The following KLHDC1 variants were observed in gnomAD, a reference collection of about 807,000 sequenced individuals.
KLHDC1 encodes the protein kelch domain-containing protein 1.
In KLHDC1, 53 loss-of-function variants were observed where a neutral mutation model predicts 68.3. That is an observed-to-expected ratio of 0.78 (90% CI 0.62 to 0.98). KLHDC1 has a LOEUF of 0.98. KLHDC1 is among the 50% of genes least tolerant of loss of function. The probability of loss-of-function intolerance (pLI) is 0.00; values close to 1 mark genes in which losing one functional copy is unlikely to be tolerated. For synonymous variants in KLHDC1, 148 were observed against 159.0 expected, an observed-to-expected ratio of 0.93 and a Z score of 0.52; for missense variants, 470 against 492.3, an observed-to-expected ratio of 0.95 and a Z score of 0.43.
intron 6 of KLHDC1, among the ~76,000 whole-genome samples, chr14:49,726,251 G>A (rs1346666409): frequency 6.6e-6 from 1 of 152,120 alleles, no homozygotes; most frequent in African/African-American, 2.4e-5. Context: ...AACCGTAGAT[G>A]GCACTTGTAG....
chr14:49,726,939 G>A (rs556680920), intron 6 of KLHDC1, among the ~76,000 whole-genome samples: 112 of 152,184 alleles, frequency 7.4e-4, no homozygotes, highest in African/African-American at 2.4e-3. Context: ...CTCTCTCAAC[G>A]TCTATATATT....
rs924470398 is a variant in KLHDC1, at chr14:49,753,060, T to C, written c.*1288T>C. The C allele has an allele frequency of 3.9e-5, 6 of 152,164 alleles. No individual in the cohort carries two copies. The highest frequency in any genetic ancestry group is 1.4e-4 in the African/African-American group (6 of 41,462). The allele number at this position is 152,164 out of a possible 1,614,324, so 9.4% of individuals were successfully genotyped here. ...AAGCTTCTATGTATTGAAATATTTT[T>C]TTACGTTTTATTTATTGTACAAAGT... is the stretch of plus-strand genomic sequence containing the variant. On this transcript the variant is annotated 3_prime_UTR_variant, in exon 13 of 13. Coordinates refer to ENST00000359332, the MANE Select transcript of KLHDC1 (RefSeq NM_172193.3).
intron 4 of KLHDC1, among the ~76,000 whole-genome samples, chr14:49,719,390 A>G (rs564100187): frequency 3.1e-4 from 47 of 150,976 alleles, no homozygotes; most frequent in Non-Finnish European, 5.3e-4. Flanking sequence ...TTCTTTCAGC[A>G]CTTTACAGGT....
intron 1 of KLHDC1, among the ~76,000 whole-genome samples, chr14:49,694,751 G>A (rs1887683979): frequency 6.6e-6 from 1 of 152,182 alleles, no homozygotes; most frequent in South Asian, 2.1e-4. Flanking sequence ...CTACTCGGGA[G>A]GCTGAGGCAG....
At chr14:49,740,877 T>G (rs1211858350) in intron 11 of KLHDC1, among the ~76,000 whole-genome samples, 1 of 152,014 alleles carries the variant, frequency 6.6e-6, no homozygotes, top group African/African-American at 2.4e-5. Flanking sequence ...GGCAAATCAC[T>G]TGAGGCCAGG....
chr14:49,697,320 A>G (rs887271536), intron 1 of KLHDC1, among the ~76,000 whole-genome samples: 1 of 152,198 alleles, frequency 6.6e-6, no homozygotes, highest in Non-Finnish European at 1.5e-5. Flanking sequence ...GGTCAGTGGA[A>G]TAGTCTGAAC....
At chr14:49,749,542 G>A (rs1335817586) in intron 12 of KLHDC1, among the ~76,000 whole-genome samples, 2 of 151,864 alleles carry the variant, frequency 1.3e-5, no homozygotes, top group Non-Finnish European at 2.9e-5. Context: ...GCTGGGCATG[G>A]TGGCATGCGC....
At chr14:49,702,907 A>T (rs1887947756) in intron 1 of KLHDC1, among the ~76,000 whole-genome samples, 1 of 152,224 alleles carries the variant, frequency 6.6e-6, no homozygotes, top group Non-Finnish European at 1.5e-5. Flanking sequence ...CATAAAAGGC[A>T]GCAGTGTGGT....
chr14:49,731,842 G>A (rs1322862053), intron 8 of KLHDC1, among the ~76,000 whole-genome samples: 4 of 151,994 alleles, frequency 2.6e-5, no homozygotes, highest in Non-Finnish European at 5.9e-5. Context: ...ACTGTGCCTG[G>A]CATTGTTTTT....
chr14:49,743,465 A>G (rs1452469109), intron 11 of KLHDC1, among the ~76,000 whole-genome samples: 3 of 152,064 alleles, frequency 2.0e-5, no homozygotes, highest in Non-Finnish European at 2.9e-5. Flanking sequence ...TCGGTGAAGA[A>G]TGTATTTCTT....
Position 49,693,307 on chromosome 14 carries a change from G to C in KLHDC1, c.96+17G>C. On this transcript the variant is annotated intron_variant, in intron 1 of 12. Coordinates refer to ENST00000359332, the MANE Select transcript of KLHDC1 (RefSeq NM_172193.3). The stretch of plus-strand genomic sequence containing the variant: ...GGCTACGTGGTAAGGGGAAGAGGCG[G>C]GACGGGGTAGACTCGCGCCGGGAGA... 1 of 1,495,084 alleles carries C rather than the reference G, an allele frequency of 6.7e-7. No homozygotes were observed. 92.6% of individuals were successfully genotyped at this position (1,495,084 alleles called of 1,614,324 possible).
At chr14:49,739,498 A>C (rs896852006) in intron 10 of KLHDC1, among the ~76,000 whole-genome samples, 1 of 152,290 alleles carries the variant, frequency 6.6e-6, no homozygotes, top group Non-Finnish European at 1.5e-5. Context: ...GGTGTTCTGT[A>C]CTCAGAGTGA....
intron 10 of KLHDC1, among the ~76,000 whole-genome samples, chr14:49,738,225 G>T (rs2139763827): frequency 6.6e-6 from 1 of 152,032 alleles, no homozygotes; most frequent in Non-Finnish European, 1.5e-5. Flanking sequence ...TGAACTATCA[G>T]ACCACTTCCA....
rs1032447087 is a variant in KLHDC1, at chr14:49,725,852, T to C, written c.567+83T>C. The stretch of plus-strand genomic sequence containing the variant: ...GTGGATTTTGGGTTTTTTTTTGTTT[T>C]GTTTTGTGTTTTTGAGACAAAGTCT... On this transcript the variant is annotated intron_variant, in intron 6 of 12. Coordinates refer to ENST00000359332, the MANE Select transcript of KLHDC1 (RefSeq NM_172193.3). 14 of 718,738 alleles carry C rather than the reference T, an allele frequency of 1.9e-5. No individual in the cohort carries two copies. In the East Asian group the frequency reaches 2.8e-4, roughly 15 times the overall value. 44.5% of individuals were successfully genotyped at this position (718,738 alleles called of 1,614,324 possible).
chr14:49,726,200 C>A (rs554118621), intron 6 of KLHDC1, among the ~76,000 whole-genome samples: 1 of 152,290 alleles, frequency 6.6e-6, no homozygotes, highest in East Asian at 1.9e-4. Flanking sequence ...CCAAGTAGTT[C>A]TCTTGAGTAC....
chr14:49,742,217 G>GAATTCAT (rs1889080959), intron 11 of KLHDC1, among the ~76,000 whole-genome samples: 9 of 152,316 alleles, frequency 5.9e-5, no homozygotes, highest in Admixed American at 3.9e-4. Flanking sequence ...TATCATGAAA[G>GAATTCAT]TAGGAATTCT....
intron 1 of KLHDC1, among the ~76,000 whole-genome samples, chr14:49,693,935 T>TA (rs1474081893): frequency 6.6e-6 from 1 of 151,540 alleles, no homozygotes; most frequent in Non-Finnish European, 1.5e-5. Flanking sequence ...GTATTTTTAA[T>TA]AGAGACAGGG....
Position 49,743,754 on chromosome 14 carries a change from G to A in KLHDC1, c.983G>A (p.Gly328Asp). 1 of 1,583,630 alleles carries A rather than the reference G, an allele frequency of 6.3e-7. No individual in the cohort carries two copies. The highest frequency in any genetic ancestry group is 8.6e-7 in the Non-Finnish European group (1 of 1,157,846). Residue 328 changes from glycine (G) to aspartate (D), a missense_variant and splice_region_variant, in exon 12 of 13, where the codon GGT becomes GAT. Physicochemically the swap from Gly to Asp is moderately conservative, Grantham distance 94. Coordinates refer to ENST00000359332, the MANE Select transcript of KLHDC1 (RefSeq NM_172193.3). Reference sequence around the variant, plus strand: ...TAATGCCTTTTTTGTGTTGATTAGGGTCACTGTAATGATTTATTGATCTTT... The same window carrying A: ...TAATGCCTTTTTTGTGTTGATTAGGATCACTGTAATGATTTATTGATCTTT... ...SKDDLLALDTGHCNDLLIFQT... is the reference protein window; with the variant it reads ...SKDDLLALDTDHCNDLLIFQT...
At chr14:49,725,458 T>G in intron 5 of KLHDC1, 1 of 367,982 alleles carries the variant, frequency 2.7e-6, no homozygotes, top group Non-Finnish European at 5.0e-6. Context: ...AAATTATGAT[T>G]CACTGCAAAC....
Sources: allele counts gnomAD v4.1 joint callset (sites outside exome capture counted in the v4.1 genomes callset), GRCh38; gene constraint gnomAD v4.1.1; transcripts MANE v1.5; gene names NCBI Gene and HGNC (gene_info 2026-07-23, HGNC 2026-07-21).